Variants in HSPG2 observed in about 807,000 individuals in gnomAD.
HSPG2 encodes basement membrane-specific heparan sulfate proteoglycan core protein.
Under a neutral mutation model 526.6 loss-of-function variants are expected in HSPG2, and 278 were observed. The ratio of observed to expected loss-of-function variants is 0.53; its 90% CI spans 0.48 to 0.58. HSPG2 has a LOEUF of 0.58. Ranked by LOEUF, HSPG2 falls within the 20% of genes least tolerant of loss-of-function variation. The probability of loss-of-function intolerance (pLI) is 0.00; values close to 1 mark genes in which losing one functional copy is unlikely to be tolerated. For missense variants in HSPG2, 5,354 were observed against 6,099.5 expected (o/e 0.88, Z 4.07); for synonymous variants, 2,465 against 2,555.4 (o/e 0.96, Z 1.07).
intron 1 of HSPG2, among the ~76,000 whole-genome samples, chr1:21,902,434 C>T (rs1397566197): frequency 1.3e-5 from 2 of 152,322 alleles, no homozygotes; most frequent in Admixed American, 6.5e-5. Context: ...ACAAGACTTA[C>T]GTCACTCAGA....
rs577863064 is a variant in HSPG2, at chr1:21,893,100, G to A, written c.245-2406C>T. On this transcript the variant is annotated intron_variant, in intron 3 of 96. Coordinates refer to ENST00000374695, the MANE Select transcript of HSPG2 (RefSeq NM_005529.7). The surrounding 1 kb of genome is among the most constrained non-coding windows in gnomAD (Gnocchi z 4.3). ...TGCACACCTGACTAGCCCTGGCCCC[G>A]GAGCAGGCTACTCACCAACTCCTGA... is the stretch of plus-strand genomic sequence containing the variant. Among the ~76,000 whole-genome samples the A allele has an allele frequency of 2.0e-5, 3 of 152,204 alleles. No homozygotes were observed. Among genetic ancestry groups the A allele is most frequent in the East Asian group, 1.9e-4 (1 of 5,170 alleles).
rs1470690135 is a variant in HSPG2 at position 21,880,377 on chromosome 1, A to G, written c.2181T>C (p.Ser727=). 6.2e-7 allele frequency: 1 copy of G among 1,613,730 alleles called. No homozygotes were observed. The highest frequency in any genetic ancestry group is 1.3e-5 in the African/African-American group (1 of 74,860). ...GGCTCAGGCACCTGCACTCCTCCAC[A>G]CTGTGGGCACGGCCATGGCTGGTGG... ...THATSHGRAH[S]VEECRCPIGY... is the part of the protein sequence containing the mutation. Residue 727 remains serine, a synonymous_variant, in exon 16 of 97, where the codon AGT becomes AGC. Transcript: ENST00000374695.
chr1:21,851,705 A>G lies in HSPG2; in HGVS notation c.7007-8T>C, dbSNP rs1023986016. On this transcript the variant is annotated splice_polypyrimidine_tract_variant and splice_region_variant and intron_variant, in intron 54 of 96. Coordinates refer to ENST00000374695, the MANE Select transcript of HSPG2 (RefSeq NM_005529.7). The stretch of plus-strand genomic sequence containing the variant: ...GCTGGGTGCTGCCGGCAGCTGAGGG[A>G]TAAGATGGTCACCGGTCACTCCTGT... 2 of 1,613,736 alleles carry G rather than the reference A, an allele frequency of 1.2e-6. No individual in the cohort carries two copies. The highest frequency in any genetic ancestry group is 1.7e-6 in the Non-Finnish European group (2 of 1,180,016).
intron 1 of HSPG2, among the ~76,000 whole-genome samples, chr1:21,900,972 A>G (rs1248958929): frequency 3.9e-5 from 6 of 152,114 alleles, no homozygotes; most frequent in Non-Finnish European, 1.5e-5. Flanking sequence ...CTCCACTCAG[A>G]GGGAAGAGTC....
Position 21,829,448 on chromosome 1 carries a change from A to G in HSPG2, c.11927T>C (p.Val3976Ala), listed in dbSNP as rs1263824256. 1 of 1,613,326 alleles carries G rather than the reference A, an allele frequency of 6.2e-7. No homozygotes were observed. Among genetic ancestry groups the G allele is most frequent in the Admixed American group, 1.7e-5 (1 of 60,016 alleles). Reference sequence around the variant, plus strand: ...CATCGCCAGGGACACGAAGTCCTCCACAGGCCCGCTCTTCCCCCCGCTGAA... The same window carrying G: ...CATCGCCAGGGACACGAAGTCCTCCGCAGGCCCGCTCTTCCCCCCGCTGAA... ...LLFSGGKSGPVEDFVSLAMVG... is the reference protein window; with the variant it reads ...LLFSGGKSGPAEDFVSLAMVG... Residue 3976 changes from valine to alanine, a missense_variant, in exon 87 of 97, where the codon GTG (valine) becomes GCG (alanine). By Grantham distance (64) the Val-to-Ala change is moderately conservative (BLOSUM62 0). Transcript: ENST00000374695.
In HSPG2 at chr1:21,855,573, G is replaced by A. The variant is rs1442795659; in HGVS notation, c.5804C>T (p.Ala1935Val). 6.3e-7 allele frequency: 1 copy of A among 1,597,406 alleles called. No homozygotes were observed. Among genetic ancestry groups the A allele is most frequent in the African/African-American group, 1.3e-5 (1 of 74,864 alleles). The change falls in exon 46 of 97, where the codon GCC (alanine) becomes GTC (valine). Residue 1935 changes from alanine (A) to valine (V), a missense_variant. Physicochemically the swap from Ala to Val is moderately conservative, Grantham distance 64 (BLOSUM62 0). Transcript: ENST00000374695. ...CACCTGCTGCCCAGCGCTGCTGTGGGCTCGGCACAAGTACTGGGCCTGATC... is the reference window on the plus strand; with the variant it reads ...CACCTGCTGCCCAGCGCTGCTGTGGACTCGGCACAAGTACTGGGCCTGATC... The part of the protein sequence containing the change: ...PTDQAQYLCR[A>V]HSSAGQQVAR...
intron 1 of HSPG2, among the ~76,000 whole-genome samples, chr1:21,921,226 T>G (rs10917064): frequency 0.2 from 30,913 of 151,400 alleles, 3,807 homozygotes; most frequent in East Asian, 0.43. Flanking sequence ...ACTGGCAGAG[T>G]TGGGGGTTGG....
intron 3 of HSPG2, among the ~76,000 whole-genome samples, chr1:21,891,599 T>C (rs190367982): frequency 8.3e-4 from 125 of 151,054 alleles, no homozygotes; most frequent in Admixed American, 2.5e-3. Flanking sequence ...GGTGTGAACA[T>C]ACACATGCAT....
intron 1 of HSPG2, among the ~76,000 whole-genome samples, chr1:21,902,927 T>C (rs1003129536): frequency 1.1e-4 from 16 of 152,216 alleles, no homozygotes; most frequent in African/African-American, 3.9e-4. Flanking sequence ...TCAGTCCATG[T>C]GAACAACACG....
rs1435496395 is a variant in HSPG2, at chr1:21,872,014, G to A, written c.4221+172C>T. Among the ~76,000 whole-genome samples, 2 of 152,252 alleles carry A rather than the reference G, an allele frequency of 1.3e-5. No homozygotes were observed. The highest frequency in any genetic ancestry group is 4.8e-5 in the African/African-American group (2 of 41,468). On this transcript the variant is annotated intron_variant, in intron 33 of 96. Transcript: ENST00000374695. This position sits in a 1 kb window ranked among gnomAD's most constrained non-coding sequence, Gnocchi z 5.5. ...AGTTGAGGTTTATCAAATGGTGTCT[G>A]GCTGGCAAGCGGCAGAGCTGGGGTT...
In HSPG2 at chr1:21,848,107, A is replaced by G. The variant is rs3767138; in HGVS notation, c.7738-14T>C. On this transcript the variant is annotated splice_polypyrimidine_tract_variant and intron_variant, in intron 59 of 96. Coordinates refer to ENST00000374695, the MANE Select transcript of HSPG2 (RefSeq NM_005529.7). The surrounding 1 kb of genome is among the most constrained non-coding windows in gnomAD (Gnocchi z 4.9). ...GGAGCCCACGATCTGCAGGAAGCAG[A>G]TGGCAGGAGGTATGGCAGTAGGTGT... The G allele has an allele frequency of 0.81, 1,270,304 of 1,575,484 alleles. 513,126 individuals are homozygous for G. The highest frequency in any genetic ancestry group is 0.86 in the Middle Eastern group (5,135 of 5,994).
chr1:21,854,430 C>T, intron 49 of HSPG2, 87 bp from the exon 50 acceptor site: 2 of 1,509,204 alleles, frequency 1.3e-6, no homozygotes, highest in Non-Finnish European at 9.0e-7. Flanking sequence ...CATTCAAACT[C>T]TCACTGGCTC....
chr1:21,845,066 T>G (rs1638321839), intron 64 of HSPG2, among the ~76,000 whole-genome samples: 1 of 152,112 alleles, frequency 6.6e-6, no homozygotes, highest in South Asian at 2.1e-4. Context: ...ACCAACATGG[T>G]GAAACCCCGT....
chr1:21,860,273 A>G lies in HSPG2; in HGVS notation c.4956-38T>C, dbSNP rs996824711. On this transcript the variant is annotated intron_variant, in intron 39 of 96. Coordinates refer to ENST00000374695, the MANE Select transcript of HSPG2 (RefSeq NM_005529.7). Reference sequence around the variant, plus strand: ...ACAAGGGCCGGCAATGTCAGGCCTCAAGGGCCCCAGTGCCTCATGGTGGAC... The same window carrying G: ...ACAAGGGCCGGCAATGTCAGGCCTCGAGGGCCCCAGTGCCTCATGGTGGAC... 3 of 1,591,244 alleles carry G rather than the reference A, an allele frequency of 1.9e-6. No individual in the cohort carries two copies. The African/African-American group carries it at 4.0e-5, about 21-fold the overall frequency.
At chr1:21,935,492 A>G (rs943271720) in intron 1 of HSPG2, among the ~76,000 whole-genome samples, 2 of 152,202 alleles carry the variant, frequency 1.3e-5, no homozygotes, top group Admixed American at 6.5e-5. Context: ...TGCATGGCAA[A>G]TATCTGCCCA....
chr1:21,832,465 C>T (rs2098008637), intron 81 of HSPG2, 30 bp downstream of exon 81: 1 of 1,560,590 alleles, frequency 6.4e-7, no homozygotes, highest in Non-Finnish European at 8.8e-7. Context: ...TGTCCAGTCC[C>T]CCTGTAGGTG....
At position 21,890,555 on chromosome 1, in the gene HSPG2, C is replaced by T. The variant is rs756360405; in HGVS notation, c.354+30G>A. 2.5e-6 allele frequency: 4 copies of T among 1,609,474 alleles called. No individual in the cohort carries two copies. Among genetic ancestry groups the T allele is most frequent in the East Asian group, 2.2e-5 (1 of 44,850 alleles). The stretch of plus-strand genomic sequence containing the variant: ...ATCCTCGGTCCTGCCCCGCCACACC[C>T]GCGAGCTTCCCAAACCCCCTTCACC... On this transcript the variant is annotated intron_variant, in intron 4 of 96. Transcript: ENST00000374695. The surrounding 1 kb of genome is among the most constrained non-coding windows in gnomAD (Gnocchi z 4.1).
intron 21 of HSPG2, 23 bp downstream of exon 21, chr1:21,878,163 T>A: frequency 6.2e-7 from 1 of 1,610,078 alleles, no homozygotes; most frequent in Non-Finnish European, 8.5e-7. Flanking sequence ...GGCCCCTGGG[T>A]GGGTGGCAGA....
chr1:21,850,109 C>T lies in HSPG2; in HGVS notation c.7378G>A (p.Val2460Ile), dbSNP rs774563154. 8.1e-6 allele frequency: 13 copies of T among 1,613,420 alleles called. No individual in the cohort carries two copies. The highest frequency in any genetic ancestry group is 3.3e-5 in the Admixed American group (2 of 60,036). Residue 2460 changes from valine (V) to isoleucine (I), a missense_variant, in exon 57 of 97, where the codon GTT becomes ATT. By Grantham distance (29) the Val-to-Ile change is conservative. Coordinates refer to ENST00000374695, the MANE Select transcript of HSPG2 (RefSeq NM_005529.7). Reference sequence around the variant, plus strand: ...ACCTGGGCATGGGCCTGACCAGCAACGAGGCAGTTCAGGTCCAGGGTCTGC... The same window carrying T: ...ACCTGGGCATGGGCCTGACCAGCAATGAGGCAGTTCAGGTCCAGGGTCTGC... ...EGQTLDLNCL[V>I]AGQAHAQVTW...
Sources: allele counts gnomAD v4.1 joint callset (sites outside exome capture counted in the v4.1 genomes callset), GRCh38; gene constraint gnomAD v4.1.1; non-coding constraint Gnocchi (gnomAD v3.1); transcripts MANE v1.5; gene names NCBI Gene and HGNC (gene_info 2026-07-23, HGNC 2026-07-21).